Variants in JAK1 observed in about 807,000 individuals in gnomAD.
JAK1 encodes tyrosine-protein kinase JAK1.
A neutral mutation model predicts 136.6 loss-of-function variants in JAK1; 16 were observed. That is an observed-to-expected ratio of 0.12 (90% CI 0.08 to 0.18). The LOEUF (loss-of-function observed/expected upper bound fraction) is 0.18. Among genes scored for constraint, JAK1 ranks in the 10% least tolerant of loss-of-function variants. The pLI, the probability that JAK1 is intolerant of heterozygous loss-of-function variation, is 1.00. For synonymous variants in JAK1, 492 were observed against 519.5 expected (o/e 0.95, Z 0.72); for missense variants, 859 against 1,450.1 (o/e 0.59, Z 6.62).
At chr1:64,868,768 A>G (rs368784537) in intron 6 of JAK1, among the ~76,000 whole-genome samples, 4 of 152,372 alleles carry the variant, frequency 2.6e-5, no homozygotes, top group African/African-American at 9.6e-5. Context: ...TCATAGATGG[A>G]CAGAACTTAA....
intron 2 of JAK1, chr1:65,022,838 T>C (rs1366819474): frequency 2.6e-5 from 4 of 152,154 alleles, no homozygotes; most frequent in African/African-American, 4.8e-5. Flanking sequence ...AAGGAGAAAC[T>C]AATCAGGGGA....
intron 5 of JAK1, among the ~76,000 whole-genome samples, chr1:64,872,752 A>G (rs941756977): frequency 1.3e-5 from 2 of 152,246 alleles, no homozygotes; most frequent in African/African-American, 4.8e-5. Flanking sequence ...CAAACAATAA[A>G]AAAAATCAGA....
intron 2 of JAK1, among the ~76,000 whole-genome samples, chr1:65,007,085 G>A (rs1646809476): frequency 6.6e-6 from 1 of 152,128 alleles, no homozygotes; most frequent in African/African-American, 2.4e-5. Flanking sequence ...GGGTGGTCAA[G>A]GAAGCCTTCA....
At chr1:64,870,921 T>C (rs1031112656) in intron 5 of JAK1, among the ~76,000 whole-genome samples, 11 of 152,290 alleles carry the variant, frequency 7.2e-5, no homozygotes, top group African/African-American at 2.4e-4. Flanking sequence ...GCCTGTGGTT[T>C]TTTTGTAAAC....
intron 1 of JAK1, among the ~76,000 whole-genome samples, chr1:64,955,952 C>T (rs1263016025): frequency 6.6e-6 from 1 of 152,134 alleles, no homozygotes; most frequent in Non-Finnish European, 1.5e-5. Flanking sequence ...CCTGCCGCTG[C>T]CCATTTTGAA....
intron 2 of JAK1, chr1:64,985,955 C>A: frequency 9.1e-7 from 1 of 1,098,334 alleles, no homozygotes; most frequent in East Asian, 2.7e-5. Context: ...TTGCCTTGTC[C>A]TTCAAAGTGT....
intron 1 of JAK1, among the ~76,000 whole-genome samples, chr1:64,936,919 C>T: frequency 6.6e-6 from 1 of 150,790 alleles, no homozygotes; most frequent in African/African-American, 2.4e-5. Flanking sequence ...ACAAAAATGG[C>T]AATTTTATAT....
intron 1 of JAK1, among the ~76,000 whole-genome samples, chr1:64,961,646 G>A (rs535171199): frequency 2.6e-5 from 4 of 152,116 alleles, no homozygotes; most frequent in Admixed American, 6.5e-5. Flanking sequence ...CTGACACCAC[G>A]TACATGCCCA....
At chr1:65,047,213 A>C (rs1045919724) in intron 1 of JAK1, among the ~76,000 whole-genome samples, 1 of 152,062 alleles carries the variant, frequency 6.6e-6, no homozygotes, top group African/African-American at 2.4e-5. Context: ...CTAACCATAC[A>C]GTGGGGGAAA....
In JAK1 at chr1:64,844,892, G is replaced by GCAGAGTAAAAAGGT. The variant is rs1194541190; in HGVS notation, c.2116-17_2116-4dup. 4.3e-6 allele frequency: 7 copies of GCAGAGTAAAAAGGT among 1,614,084 alleles called. No homozygotes were observed. In the Middle Eastern group the frequency reaches 4.9e-4, roughly 114 times the overall value. Reference sequence around the variant, plus strand: ...CCATGGACCAGGTCTTTATCCTCCTGCAGAGTAAAAAGGTCAAGTTTAGCC... The same window carrying GCAGAGTAAAAAGGT: ...CCATGGACCAGGTCTTTATCCTCCTGCAGAGTAAAAAGGTCAGAGTAAAAAGGTCAAGTTTAGCC... On this transcript the variant is annotated splice_polypyrimidine_tract_variant and splice_region_variant and intron_variant, in intron 15 of 24. Transcript: ENST00000342505. The surrounding 1 kb of genome is among the most constrained non-coding windows in gnomAD (Gnocchi z 5.7).
Position 64,857,748 on chromosome 1 carries a change from C to T in JAK1, c.1366G>A (p.Glu456Lys), listed in dbSNP as rs1656032580. ...ACGTACATCCCCTCCTCGCTTCCTT[C>T]TTGCCGCAATTTATTGATGGCGTAT... is the stretch of plus-strand genomic sequence containing the variant. ...TEYAINKLRQ[E>K]GSEEGMYVLR... Residue 456 changes from glutamate to lysine, a missense_variant, in exon 10 of 25, where the codon GAA becomes AAA. Around this residue, in one of 4 missense-constraint regions of JAK1, gnomAD observed 409 missense variants for 753.8 expected, o/e 0.54. Transcript: ENST00000342505. 1.2e-6 allele frequency: 2 copies of T among 1,614,086 alleles called. No individual in the cohort carries two copies. Among genetic ancestry groups the T allele is most frequent in the Non-Finnish European group, 1.7e-6 (2 of 1,180,042 alleles).
At chr1:65,060,403 T>C (rs1410911510) in intron 1 of JAK1, among the ~76,000 whole-genome samples, 4 of 152,174 alleles carry the variant, frequency 2.6e-5, no homozygotes, top group African/African-American at 7.2e-5. Flanking sequence ...CCTGACATAT[T>C]TGTAGTTATT....
intron 2 of JAK1, among the ~76,000 whole-genome samples, chr1:64,995,552 A>G (rs116327544): frequency 1.8e-4 from 27 of 152,314 alleles, no homozygotes; most frequent in East Asian, 3.9e-4. Flanking sequence ...TAATCCTTTA[A>G]TAATGCGAAA....
At chr1:64,915,383 C>G (rs1347214254) in intron 1 of JAK1, among the ~76,000 whole-genome samples, 1 of 152,280 alleles carries the variant, frequency 6.6e-6, no homozygotes, top group East Asian at 1.9e-4. Flanking sequence ...GAATCCCAAG[C>G]TGACAATGGC....
At chr1:64,918,953 A>G (rs914703618) in intron 1 of JAK1, among the ~76,000 whole-genome samples, 1 of 152,222 alleles carries the variant, frequency 6.6e-6, no homozygotes, top group Admixed American at 6.5e-5. Flanking sequence ...TAAGTATCTC[A>G]TAAACAATTC....
At chr1:64,975,244 C>T (rs563283396) in intron 2 of JAK1, among the ~76,000 whole-genome samples, 1 of 152,316 alleles carries the variant, frequency 6.6e-6, no homozygotes, top group Admixed American at 6.5e-5. Flanking sequence ...TATAGGCATG[C>T]ACCACTGCAC....
chr1:64,967,504 A>C (rs1646405484), upstream of JAK1, among the ~76,000 whole-genome samples: 1 of 152,222 alleles, frequency 6.6e-6, no homozygotes, highest in South Asian at 2.1e-4. Flanking sequence ...CAATCCCTGG[A>C]TGAAAATCCT....
Position 64,834,488 on chromosome 1 carries a change from T to TA in JAK1, c.*73dup. 9.6e-7 allele frequency: 1 copy of TA among 1,040,750 alleles called. No homozygotes were observed. Among genetic ancestry groups the TA allele is most frequent in the Non-Finnish European group, 1.5e-6 (1 of 679,210 alleles). 64.5% of individuals were successfully genotyped at this position (1,040,750 alleles called of 1,614,324 possible). ...ACAAACTTCTTTCATTAGAAATTTT[T>TA]AAAAAATGACTTGGGCATTTGTTGC... is the stretch of plus-strand genomic sequence containing the variant. On this transcript the variant is annotated 3_prime_UTR_variant, in exon 25 of 25. Coordinates refer to ENST00000342505, the MANE Select transcript of JAK1 (RefSeq NM_002227.4).
chr1:64,967,861 G>T (rs148967385), upstream of JAK1, among the ~76,000 whole-genome samples: 1 of 152,090 alleles, frequency 6.6e-6, no homozygotes, highest in Admixed American at 6.6e-5. Flanking sequence ...GAGGCAACCC[G>T]GGTTGCCTGC....
Sources: gnomAD v4.1 joint callset for allele counts (sites outside exome capture counted in the v4.1 genomes callset) on GRCh38, gnomAD v4.1.1 for gene constraint, gnomAD v4.1.1 regional missense constraint, Gnocchi (gnomAD v3.1) non-coding constraint, MANE v1.5 for transcripts, NCBI Gene and HGNC (gene_info 2026-07-23, HGNC 2026-07-21) for gene names.